Variants in DNAH7 observed in about 807,000 individuals in gnomAD.
DNAH7 encodes the protein dynein axonemal heavy chain 7, also known as axonemal beta dynein heavy chain 7.
DNAH7 carries 397 observed loss-of-function variants against 444.6 expected under a neutral mutation model. That is an observed-to-expected ratio of 0.89 (90% CI 0.82 to 0.97). DNAH7 has a LOEUF of 0.97. Among genes scored for constraint, DNAH7 ranks in the 50% least tolerant of loss-of-function variants. DNAH7 has a pLI of 0.00. For missense variants in DNAH7, 4,902 were observed against 4,800.8 expected, an observed-to-expected ratio of 1.02 and a Z score of -0.62; for synonymous variants, 1,636 against 1,624.4, an observed-to-expected ratio of 1.01 and a Z score of -0.17.
At chr2:196,047,214 CTTTA>C (rs1697187474) in intron 5 of DNAH7, 134 bp downstream of exon 5, 1 of 606,242 alleles carries the variant, frequency 1.6e-6, no homozygotes. Flanking sequence ...CTCTTTCATT[CTTTA>C]TTTATACTCT....
Position 195,927,203 on chromosome 2 carries a change from T to G in DNAH7, c.3472-637A>C, listed in dbSNP as rs746413019. Among the ~76,000 whole-genome samples, 7 of 152,294 alleles carry G rather than the reference T, an allele frequency of 4.6e-5. No homozygotes were observed. The Middle Eastern group carries it at 0.01, about 222-fold the overall frequency. ...ACGTTCGGTGGACTGATACATCTAC[T>G]TTTTCTACCAGCCATCGGTGGGAAA... On this transcript the variant is annotated intron_variant, in intron 21 of 64. Transcript: ENST00000312428.
At chr2:195,788,956 A>T (rs1441939407) in intron 57 of DNAH7, among the ~76,000 whole-genome samples, 1 of 152,206 alleles carries the variant, frequency 6.6e-6, no homozygotes, top group Non-Finnish European at 1.5e-5. Flanking sequence ...CCACTGAAAG[A>T]GTCAAGAAAA....
intron 58 of DNAH7, among the ~76,000 whole-genome samples, chr2:195,778,641 T>TATATATATATATATACACAA (rs1695205698): frequency 3.1e-5 from 1 of 32,548 alleles, no homozygotes; most frequent in East Asian, 1.3e-3. Context: ...AATAAATAAA[T>TATATATATATATATACACAA]AAATATATAT....
At chr2:195,940,892 G>A (rs200504152) in intron 19 of DNAH7, among the ~76,000 whole-genome samples, 2 of 152,098 alleles carry the variant, frequency 1.3e-5, no homozygotes, top group Non-Finnish European at 2.9e-5. Context: ...GAGAAGATGT[G>A]GAGAAATAGG....
chr2:195,954,897 G>T (rs1489569089), intron 19 of DNAH7, among the ~76,000 whole-genome samples: 2 of 151,906 alleles, frequency 1.3e-5, no homozygotes, highest in Non-Finnish European at 1.5e-5. Flanking sequence ...TAAATTTGTT[G>T]GAGTTCTTTG....
chr2:195,875,935 T>C lies in DNAH7; in HGVS notation c.6118-92A>G, dbSNP rs80204414. 4,892 of 1,226,856 alleles carry C rather than the reference T, an allele frequency of 4.0e-3. 150 individuals are homozygous for C. In the African/African-American group the frequency reaches 0.063, roughly 16 times the overall value. 76.0% of individuals were successfully genotyped at this position (1,226,856 alleles called of 1,614,324 possible). On this transcript the variant is annotated intron_variant, in intron 37 of 64. Coordinates refer to ENST00000312428, the MANE Select transcript of DNAH7 (RefSeq NM_018897.3). ...CAATATTGAGGCAAATACTTAGCTA[T>C]CTATTTGCAGAGTACATATGAGGAA...
chr2:196,000,823 T>C lies in DNAH7; in HGVS notation c.1234A>G (p.Thr412Ala). 6.2e-7 allele frequency: 1 copy of C among 1,608,484 alleles called. No individual in the cohort carries two copies. The highest frequency in any genetic ancestry group is 8.5e-7 in the Non-Finnish European group (1 of 1,177,262). ...FIMRLILDND[T>A]IKFEPELSDY... is the part of the protein sequence containing the mutation. ...CTCAACTCAGGTTCAAACTTAATGG[T>C]GTCATTATCAAGAATCAGCCTCATG... Residue 412 changes from threonine (T) to alanine (A), a missense_variant, in exon 12 of 65, where the codon ACC becomes GCC. Thr to Ala is a moderately conservative substitution (Grantham distance 58, BLOSUM62 0). Coordinates refer to ENST00000312428, the MANE Select transcript of DNAH7 (RefSeq NM_018897.3).
intron 21 of DNAH7, among the ~76,000 whole-genome samples, chr2:195,929,832 T>C (rs149529868): frequency 3.3e-5 from 5 of 152,182 alleles, no homozygotes; most frequent in African/African-American, 1.2e-4. Flanking sequence ...TATGACTAAG[T>C]TCTCAAAAGC....
intron 24 of DNAH7, among the ~76,000 whole-genome samples, chr2:195,911,288 A>T (rs1687343872): frequency 6.6e-6 from 1 of 152,256 alleles, no homozygotes; most frequent in Admixed American, 6.5e-5. Flanking sequence ...AAATGAGACA[A>T]TTTGAAACTC....
chr2:195,950,851 C>CAAAAAAAAAAAAAAAAAAAAAAAAAAAA (rs67782183), intron 19 of DNAH7, among the ~76,000 whole-genome samples: 1 of 36,714 alleles, frequency 2.7e-5, no homozygotes, highest in African/African-American at 9.5e-5. Flanking sequence ...GACTCTGTCT[C>CAAAAAAAAAAAAAAAAAAAAAAAAAAAA]AAAAAAAAAA....
intron 9 of DNAH7, among the ~76,000 whole-genome samples, chr2:196,015,558 G>A (rs1385492184): frequency 6.6e-6 from 1 of 152,128 alleles, no homozygotes; most frequent in Non-Finnish European, 1.5e-5. Flanking sequence ...TATGTGTTGT[G>A]TAGGGTATGA....
chr2:195,939,198 T>G (rs1689257411), intron 19 of DNAH7, among the ~76,000 whole-genome samples: 1 of 151,490 alleles, frequency 6.6e-6, no homozygotes, highest in Non-Finnish European at 1.5e-5. Flanking sequence ...CCCAAAATTG[T>G]CTGTTAGAAA....
At chr2:195,857,307 T>G in intron 44 of DNAH7, 70 bp downstream of exon 44, 1 of 1,329,500 alleles carries the variant, frequency 7.5e-7, no homozygotes, top group Non-Finnish European at 1.0e-6. Context: ...ACTTTTAAAT[T>G]GTATATTTTC....
chr2:195,849,875 T>TGC (rs1699241403), intron 46 of DNAH7, among the ~76,000 whole-genome samples: 1 of 152,156 alleles, frequency 6.6e-6, no homozygotes, highest in Non-Finnish European at 1.5e-5. Context: ...CATTCTGGGA[T>TGC]TACGGGTGTG....
chr2:195,889,833 C>G (rs781568448), intron 31 of DNAH7, among the ~76,000 whole-genome samples: 5 of 152,260 alleles, frequency 3.3e-5, no homozygotes, highest in East Asian at 1.9e-4. Context: ...TACACACCCA[C>G]TTGGGCTGAA....
At chr2:196,005,638 A>G (rs553543045) in intron 10 of DNAH7, among the ~76,000 whole-genome samples, 1 of 152,134 alleles carries the variant, frequency 6.6e-6, no homozygotes, top group African/African-American at 2.4e-5. Flanking sequence ...CTATGAAGAC[A>G]AAAACTACCA....
chr2:195,943,878 G>T (rs1268128487), intron 19 of DNAH7, among the ~76,000 whole-genome samples: 7 of 152,138 alleles, frequency 4.6e-5, no homozygotes, highest in African/African-American at 1.7e-4. Flanking sequence ...TAGGTCAACT[G>T]GTCAACCATA....
intron 38 of DNAH7, among the ~76,000 whole-genome samples, chr2:195,875,339 A>G (rs1173117023): frequency 6.6e-6 from 1 of 152,210 alleles, no homozygotes; most frequent in Non-Finnish European, 1.5e-5. Context: ...AGGCAGAAAC[A>G]GGAAATTGGG....
intron 57 of DNAH7, among the ~76,000 whole-genome samples, chr2:195,789,036 A>G (rs1340579559): frequency 6.6e-6 from 1 of 152,202 alleles, no homozygotes; most frequent in Non-Finnish European, 1.5e-5. Flanking sequence ...GCCATTCTCC[A>G]TTAAAAGGAA....
Sources: gnomAD v4.1 joint callset for allele counts (sites outside exome capture counted in the v4.1 genomes callset) on GRCh38, gnomAD v4.1.1 for gene constraint, MANE v1.5 for transcripts, NCBI Gene and HGNC (gene_info 2026-07-23, HGNC 2026-07-21) for gene names.